The following PTGES3L variants were observed in gnomAD, a reference collection of about 807,000 sequenced individuals.
PTGES3L encodes the protein putative protein PTGES3L.
A neutral mutation model predicts 25.0 loss-of-function variants in PTGES3L; 17 were observed. That is an observed-to-expected ratio of 0.68 (90% CI 0.47 to 1.02). The LOEUF (loss-of-function observed/expected upper bound fraction) is 1.02, where lower values mean the gene tolerates loss of function less well. Among genes scored for constraint, PTGES3L ranks in the 50% least tolerant of loss-of-function variants. The probability of loss-of-function intolerance (pLI) is 0.00; values close to 1 mark genes in which losing one functional copy is unlikely to be tolerated. For synonymous variants in PTGES3L, 59 were observed against 65.7 expected, an observed-to-expected ratio of 0.90 and a Z score of 0.50; for missense variants, 202 against 197.5, an observed-to-expected ratio of 1.02 and a Z score of -0.14.
intron 4 of PTGES3L, among the ~76,000 whole-genome samples, chr17:42,973,223 C>G (rs2049885802): frequency 6.7e-6 from 1 of 148,650 alleles, no homozygotes; most frequent in Admixed American, 6.7e-5. Context: ...CGGCCAGCCG[C>G]CCCGTCCGGG....
At chr17:42,971,432 C>A (rs185044683) in intron 5 of PTGES3L, among the ~76,000 whole-genome samples, 175 bp downstream of exon 5, 92 of 152,296 alleles carry the variant, frequency 6.0e-4, no homozygotes, top group African/African-American at 2.1e-3. Flanking sequence ...TTCCTCTCAT[C>A]CCTATTAAAT....
intron 2 of PTGES3L, 32 bp from the exon 3 acceptor site, chr17:42,979,476 A>G: frequency 6.2e-7 from 1 of 1,614,174 alleles, no homozygotes; most frequent in Non-Finnish European, 8.5e-7. Context: ...GGAGATGCGG[A>G]ATACTCCGTG....
intron 4 of PTGES3L, among the ~76,000 whole-genome samples, chr17:42,977,202 G>T (rs1335914613): frequency 1.3e-5 from 2 of 152,122 alleles, no homozygotes; most frequent in African/African-American, 4.8e-5. Context: ...GAGGCGAGCA[G>T]ATCACCTGAG....
chr17:42,972,505 G>A (rs2049862535), intron 4 of PTGES3L, among the ~76,000 whole-genome samples: 1 of 152,168 alleles, frequency 6.6e-6, no homozygotes, highest in South Asian at 2.1e-4. Flanking sequence ...ACTGGTTTTG[G>A]TGGAGACGGG....
Position 42,979,451 on chromosome 17 carries a change from A to C in PTGES3L, c.123-7T>G, listed in dbSNP as rs2151953505. On this transcript the variant is annotated splice_region_variant and splice_polypyrimidine_tract_variant and intron_variant, in intron 2 of 6. Coordinates refer to ENST00000591916, the MANE Select transcript of PTGES3L (RefSeq NM_001261430.2). ...TCCATCGGCATTCTTGCAGCTGAGGAGACAATGAAGCTGAGGAGATGCGGA... is the reference window on the plus strand; with the variant it reads ...TCCATCGGCATTCTTGCAGCTGAGGCGACAATGAAGCTGAGGAGATGCGGA... The C allele has an allele frequency of 6.2e-7, 1 of 1,614,162 alleles. No individual in the cohort carries two copies. Among genetic ancestry groups the C allele is most frequent in the Non-Finnish European group, 8.5e-7 (1 of 1,180,022 alleles).
chr17:42,969,200 G>GA lies in PTGES3L; in HGVS notation c.433-15_433-14insT, dbSNP rs71228778. Reference sequence around the variant, plus strand: ...GTCAGAATCATCCTGGGGGCGGGGGGGAAAAAAGACAAAGCACCTGTAGAC... The same window carrying GA: ...GTCAGAATCATCCTGGGGGCGGGGGGAGAAAAAAGACAAAGCACCTGTAGAC... On this transcript the variant is annotated splice_polypyrimidine_tract_variant and intron_variant, in intron 6 of 6. Coordinates refer to ENST00000591916, the MANE Select transcript of PTGES3L (RefSeq NM_001261430.2). 1,275 of 1,390,982 alleles carry GA rather than the reference G, an allele frequency of 9.2e-4. 21 individuals carry two copies. Among genetic ancestry groups the GA allele is most frequent in the South Asian group, 5.6e-3 (442 of 79,626 alleles). 86.2% of individuals were successfully genotyped at this position (1,390,982 alleles called of 1,614,324 possible).
chr17:42,970,387 A>C (rs375629777), intron 5 of PTGES3L, 45 bp from the exon 6 acceptor site: 5 of 1,609,412 alleles, frequency 3.1e-6, no homozygotes, highest in Non-Finnish European at 4.3e-6. Context: ...GGAGTGAAGG[A>C]AGAACAATCT....
At position 42,969,147 on chromosome 17, in the gene PTGES3L, G is replaced by C. The variant is rs1243012547; in HGVS notation, c.*1C>G. 1 of 1,531,406 alleles carries C rather than the reference G, an allele frequency of 6.5e-7. No individual in the cohort carries two copies. The highest frequency in any genetic ancestry group is 8.8e-7 in the Non-Finnish European group (1 of 1,135,866). 94.9% of individuals were successfully genotyped at this position (1,531,406 alleles called of 1,614,324 possible). A position where few individuals can be genotyped will look rare whatever the true frequency, so the allele number is the denominator to read the frequency against. ...CCTTCCCAGCTTTGCGTCACAGAAA[G>C]TTAATTACTTGTTGCATCATCAGCA... is the stretch of plus-strand genomic sequence containing the variant. On this transcript the variant is annotated 3_prime_UTR_variant, in exon 7 of 7. Coordinates refer to ENST00000591916, the MANE Select transcript of PTGES3L (RefSeq NM_001261430.2).
chr17:42,973,553 G>A (rs2151949492), intron 4 of PTGES3L, among the ~76,000 whole-genome samples: 1 of 152,172 alleles, frequency 6.6e-6, no homozygotes, highest in African/African-American at 2.4e-5. Context: ...GAATAGAAAG[G>A]CGGAAAAGGT....
At chr17:42,970,674 GCGCACACACACA>G (rs946645471) in intron 5 of PTGES3L, among the ~76,000 whole-genome samples, 2 of 105,604 alleles carry the variant, frequency 1.9e-5, no homozygotes, top group Non-Finnish European at 4.0e-5. Flanking sequence ...GGCTTAACAC[GCGCACACACACA>G]CACACACACA....
intron 4 of PTGES3L, among the ~76,000 whole-genome samples, chr17:42,978,922 C>A (rs1402308152): frequency 6.6e-6 from 1 of 152,116 alleles, no homozygotes; most frequent in Non-Finnish European, 1.5e-5. Flanking sequence ...ATTGCTTGAA[C>A]CCGGGAGGCG....
intron 4 of PTGES3L, among the ~76,000 whole-genome samples, chr17:42,976,467 T>G (rs544212537): frequency 9.2e-5 from 14 of 152,008 alleles, no homozygotes; most frequent in African/African-American, 3.4e-4. Flanking sequence ...CAACCTCCAC[T>G]TCCCAGGTTC....
In PTGES3L at chr17:42,970,263, A is replaced by G. The variant is rs1456133238; in HGVS notation, c.432+26T>C. ...TTTTTAAGGGCTACAAAGAAACTGA[A>G]GGGTTGAGGGGAAGGCTTTACTTAC... On this transcript the variant is annotated intron_variant, in intron 6 of 6. Transcript: ENST00000591916. 2.5e-6 allele frequency: 4 copies of G among 1,613,670 alleles called. No individual in the cohort carries two copies. The South Asian group carries it at 4.4e-5, about 18-fold the overall frequency.
At chr17:42,979,042 A>C (rs184394843) in intron 4 of PTGES3L, 128 bp downstream of exon 4, 1 of 929,342 alleles carries the variant, frequency 1.1e-6, no homozygotes. Context: ...AGACTAATAC[A>C]GTTGGAAAAA....
chr17:42,970,939 G>A (rs531847611), intron 5 of PTGES3L, among the ~76,000 whole-genome samples: 23 of 152,076 alleles, frequency 1.5e-4, no homozygotes, highest in Admixed American at 1.3e-3. Context: ...CCTGGGAAGT[G>A]GAGGTTGCAG....
rs1428543968 is a variant in PTGES3L at position 42,968,939 on chromosome 17, G to A, written c.*209C>T. ...AAGCCCTACCAGTCTACCCCTCCCC[G>A]ACCCTGCATCTGATGTGGAGCCATA... is the stretch of plus-strand genomic sequence containing the variant. On this transcript the variant is annotated 3_prime_UTR_variant, in exon 7 of 7. Coordinates refer to ENST00000591916, the MANE Select transcript of PTGES3L (RefSeq NM_001261430.2). The A allele has an allele frequency of 1.6e-5, 8 of 502,024 alleles. No homozygotes were observed. Among genetic ancestry groups the A allele is most frequent in the South Asian group, 1.1e-4 (3 of 27,784 alleles). 31.1% of individuals were successfully genotyped at this position (502,024 alleles called of 1,614,324 possible). A position where few individuals can be genotyped will look rare whatever the true frequency, so the allele number is the denominator to read the frequency against.
intron 4 of PTGES3L, among the ~76,000 whole-genome samples, chr17:42,978,765 C>A (rs2050011533): frequency 6.6e-6 from 1 of 152,154 alleles, no homozygotes; most frequent in African/African-American, 2.4e-5. Flanking sequence ...CTTTGGGAGG[C>A]CGAGGCGGGC....
At chr17:42,978,878 T>C (rs1320229051) in intron 4 of PTGES3L, among the ~76,000 whole-genome samples, 1 of 152,078 alleles carries the variant, frequency 6.6e-6, no homozygotes, top group East Asian at 1.9e-4. Flanking sequence ...TGCATGCCTG[T>C]AATCCCAGCT....
intron 4 of PTGES3L, among the ~76,000 whole-genome samples, chr17:42,975,133 C>CT (rs1286742733): frequency 0.011 from 485 of 43,954 alleles, 4 homozygotes; most frequent in African/African-American, 0.04. Context: ...GACATCCTGT[C>CT]TCAAAAAAAA....
Sources: gnomAD v4.1 joint callset for allele counts (sites outside exome capture counted in the v4.1 genomes callset) on GRCh38, gnomAD v4.1.1 for gene constraint, MANE v1.5 for transcripts, NCBI Gene and HGNC (gene_info 2026-07-23, HGNC 2026-07-21) for gene names.